CSMD1: variants seen among roughly 807,000 people sequenced by gnomAD.
CSMD1 encodes CUB and Sushi multiple domains 1, also known as CUB and sushi domain-containing protein 1.
CSMD1 carries 213 observed loss-of-function variants against 417.5 expected under a neutral mutation model. The ratio of observed to expected loss-of-function variants is 0.51; its 90% CI spans 0.46 to 0.57. The LOEUF (loss-of-function observed/expected upper bound fraction) is 0.57. Ranked by LOEUF, CSMD1 falls within the 20% of genes least tolerant of loss-of-function variation. The pLI is 0.00. For synonymous variants in CSMD1, 2,862 were observed against 1,736.8 expected (o/e 1.65, Z -16.11); for missense variants, 6,923 against 4,529.7 (o/e 1.53, Z -15.17).
intron 2 of CSMD1, among the ~76,000 whole-genome samples, chr8:4,578,744 G>C (rs1261118718): frequency 6.7e-6 from 1 of 149,842 alleles, no homozygotes; most frequent in Non-Finnish European, 1.5e-5. Flanking sequence ...AACCTGGGAG[G>C]GGGAGGTTGC....
intron 2 of CSMD1, among the ~76,000 whole-genome samples, chr8:4,636,306 C>T (rs913461245): frequency 6.6e-6 from 1 of 151,940 alleles, no homozygotes; most frequent in Non-Finnish European, 1.5e-5. Flanking sequence ...TTCTTGTTGA[C>T]AATTGAAAAA....
At chr8:4,275,960 G>C (rs1282283412) in intron 3 of CSMD1, among the ~76,000 whole-genome samples, 31 of 152,186 alleles carry the variant, frequency 2.0e-4, no homozygotes, top group Non-Finnish European at 1.5e-5. Context: ...TAGTTAAAAA[G>C]TCAGGAAACA....
In CSMD1 at chr8:3,110,233, A is replaced by G; in HGVS notation, c.6533T>C (p.Val2178Ala). 6.2e-7 allele frequency: 1 copy of G among 1,613,250 alleles called. No individual in the cohort carries two copies. The highest frequency in any genetic ancestry group is 8.5e-7 in the Non-Finnish European group (1 of 1,179,632). Reference sequence around the variant, plus strand: ...GATGTAAACTCCGTGCCCTGGAGGCACCGTGATGAGCCAAATGCAGTCCTT... The same window carrying G: ...GATGTAAACTCCGTGCCCTGGAGGCGCCGTGATGAGCCAAATGCAGTCCTT... Reference protein sequence around the residue: ...ILKDCIWLITVPPGHGVYINF... With the variant: ...ILKDCIWLITAPPGHGVYINF... Residue 2178 changes from valine to alanine, a missense_variant, in exon 43 of 70, where the codon GTG (valine) becomes GCG (alanine). Val to Ala is a moderately conservative substitution (Grantham distance 64). Coordinates refer to ENST00000635120, the MANE Select transcript of CSMD1 (RefSeq NM_033225.6).
At chr8:3,825,072 G>T (rs1801975773) in intron 5 of CSMD1, among the ~76,000 whole-genome samples, 1 of 152,140 alleles carries the variant, frequency 6.6e-6, no homozygotes, top group Non-Finnish European at 1.5e-5. Flanking sequence ...GGGCTTCTAG[G>T]TATGTGTGCT....
intron 3 of CSMD1, among the ~76,000 whole-genome samples, chr8:4,057,470 C>G (rs1386012515): frequency 6.6e-6 from 1 of 151,852 alleles, no homozygotes; most frequent in African/African-American, 2.4e-5. Context: ...AAATTTTCAC[C>G]CATTTTGTAG....
intron 1 of CSMD1, among the ~76,000 whole-genome samples, chr8:4,700,110 T>A (rs560276736): frequency 1.3e-5 from 2 of 152,308 alleles, no homozygotes; most frequent in African/African-American, 2.4e-5. Flanking sequence ...ATTTTTCTAA[T>A]AAGTGGTGAA....
At chr8:3,675,210 A>C (rs1799311231) in intron 7 of CSMD1, among the ~76,000 whole-genome samples, 1 of 151,996 alleles carries the variant, frequency 6.6e-6, no homozygotes, top group African/African-American at 2.4e-5. Context: ...AGGCCTGACC[A>C]CACCTGTTCT....
At chr8:3,241,474 C>T (rs180830874) in intron 26 of CSMD1, among the ~76,000 whole-genome samples, 31 of 152,286 alleles carry the variant, frequency 2.0e-4, no homozygotes, top group Admixed American at 1.2e-3. Flanking sequence ...CTGGCAGTGT[C>T]AGTCTTCAGC....
intron 1 of CSMD1, among the ~76,000 whole-genome samples, chr8:4,705,375 C>T (rs1032798003): frequency 2.6e-5 from 4 of 152,140 alleles, no homozygotes; most frequent in African/African-American, 7.2e-5. Context: ...TGTAAGACAA[C>T]CCAGCGTCTA....
intron 8 of CSMD1, among the ~76,000 whole-genome samples, chr8:3,608,163 G>A (rs1420203606): frequency 3.3e-5 from 4 of 122,390 alleles, no homozygotes; most frequent in Non-Finnish European, 6.5e-5. Flanking sequence ...AACAGAGCAA[G>A]AAGCCATCTC....
At chr8:4,571,230 T>C (rs1052133013) in intron 2 of CSMD1, among the ~76,000 whole-genome samples, 4 of 152,186 alleles carry the variant, frequency 2.6e-5, no homozygotes, top group African/African-American at 9.6e-5. Context: ...TCAGTTGTGA[T>C]GTTAGGGCAT....
chr8:3,870,859 G>T (rs11777904), intron 5 of CSMD1, among the ~76,000 whole-genome samples: 3 of 151,974 alleles, frequency 2.0e-5, no homozygotes, highest in African/African-American at 4.8e-5. Flanking sequence ...TTCTGTCTTA[G>T]GTTCCTTAGA....
At chr8:3,993,919 A>C (rs1814953993) in intron 5 of CSMD1, among the ~76,000 whole-genome samples, 1 of 152,186 alleles carries the variant, frequency 6.6e-6, no homozygotes, top group Admixed American at 6.5e-5. Context: ...GGAAACGTGC[A>C]GCTGAACAAA....
intron 3 of CSMD1, among the ~76,000 whole-genome samples, chr8:4,236,035 G>GTTTTTTTTTTTTTTTTTTTTTT (rs869046913): frequency 7.1e-5 from 8 of 112,612 alleles, no homozygotes; most frequent in African/African-American, 3.1e-4. Flanking sequence ...TGTTTTTTTT[G>GTTTTTTTTTTTTTTTTTTTTTT]TTTGTTTTTT....
chr8:4,850,540 C>T (rs182555932), intron 1 of CSMD1, among the ~76,000 whole-genome samples: 1 of 152,146 alleles, frequency 6.6e-6, no homozygotes, highest in South Asian at 2.1e-4. Flanking sequence ...CTTTGCACCA[C>T]TCCTCCCCCA....
At chr8:3,783,748 C>T (rs1025713809) in intron 5 of CSMD1, among the ~76,000 whole-genome samples, 2 of 152,156 alleles carry the variant, frequency 1.3e-5, no homozygotes, top group Non-Finnish European at 2.9e-5. Flanking sequence ...CTATTCAGAT[C>T]CCCCTTTGCA....
At chr8:3,946,036 C>T (rs555160332) in intron 5 of CSMD1, among the ~76,000 whole-genome samples, 3 of 152,216 alleles carry the variant, frequency 2.0e-5, no homozygotes, top group African/African-American at 7.2e-5. Flanking sequence ...ACGATGTAGG[C>T]GCTACTTTTA....
chr8:3,822,512 C>T (rs770902821), intron 5 of CSMD1, among the ~76,000 whole-genome samples: 10 of 152,222 alleles, frequency 6.6e-5, no homozygotes, highest in Non-Finnish European at 1.2e-4. Context: ...TACTCATGCA[C>T]AGCAAAGTTA....
At chr8:4,147,551 G>C (rs1219943366) in intron 3 of CSMD1, among the ~76,000 whole-genome samples, 1 of 152,120 alleles carries the variant, frequency 6.6e-6, no homozygotes, top group African/African-American at 2.4e-5. Flanking sequence ...AATTAGTCAT[G>C]TATAAACCTG....
Sources: gnomAD v4.1 joint callset for allele counts (sites outside exome capture counted in the v4.1 genomes callset) on GRCh38, gnomAD v4.1.1 for gene constraint, MANE v1.5 for transcripts, NCBI Gene and HGNC (gene_info 2026-07-23, HGNC 2026-07-21) for gene names.